Variants in CADPS observed in about 807,000 individuals in gnomAD.
CADPS encodes the protein calcium-dependent secretion activator 1.
Under a neutral mutation model 167.3 loss-of-function variants are expected in CADPS, and 57 were observed. That is an observed-to-expected ratio of 0.34 (90% CI 0.28 to 0.42). CADPS has a LOEUF of 0.42. CADPS is among the 20% of genes least tolerant of loss of function. The pLI is 1.00. For synonymous variants in CADPS, 676 were observed against 635.3 expected, an observed-to-expected ratio of 1.06 and a Z score of -0.96; for missense variants, 1,414 against 1,738.1, an observed-to-expected ratio of 0.81 and a Z score of 3.32.
intron 26 of CADPS, among the ~76,000 whole-genome samples, chr3:62,450,049 G>C (rs1379634799): frequency 2.0e-5 from 3 of 152,148 alleles, no homozygotes; most frequent in Non-Finnish European, 2.9e-5. Context: ...GCTTACCGGT[G>C]TAGACAAAGC....
chr3:62,627,921 C>A (rs113400679), intron 6 of CADPS, among the ~76,000 whole-genome samples: 1 of 152,142 alleles, frequency 6.6e-6, no homozygotes, highest in Non-Finnish European at 1.5e-5. Flanking sequence ...AAATTCTAAT[C>A]GAGGATCCTC....
At chr3:62,815,783 C>T (rs2094584233) in intron 1 of CADPS, among the ~76,000 whole-genome samples, 1 of 152,036 alleles carries the variant, frequency 6.6e-6, no homozygotes, top group African/African-American at 2.4e-5. Flanking sequence ...TTCTCTCTCA[C>T]TCTCCCTTCT....
chr3:62,650,815 C>G, intron 5 of CADPS, 32 bp downstream of exon 5: 1 of 1,564,584 alleles, frequency 6.4e-7, no homozygotes, highest in Non-Finnish European at 8.8e-7. Flanking sequence ...CTTGCTGTGC[C>G]AAGAAACTTT....
chr3:62,673,323 T>C (rs2075853708), intron 3 of CADPS, among the ~76,000 whole-genome samples: 1 of 152,206 alleles, frequency 6.6e-6, no homozygotes, highest in Non-Finnish European at 1.5e-5. Flanking sequence ...ATGACCTAAA[T>C]AGAAATCTGA....
At chr3:62,698,273 A>G (rs1403703234) in intron 3 of CADPS, among the ~76,000 whole-genome samples, 1 of 152,218 alleles carries the variant, frequency 6.6e-6, no homozygotes, top group East Asian at 1.9e-4. Flanking sequence ...AGGGAACTGA[A>G]GAGCTGAATA....
chr3:62,626,653 G>T (rs1282865862), intron 6 of CADPS: 5 of 687,706 alleles, frequency 7.3e-6, no homozygotes, highest in East Asian at 5.4e-5. Context: ...AGGCAATTTT[G>T]TTGACGTTTG....
intron 6 of CADPS, among the ~76,000 whole-genome samples, chr3:62,607,847 T>G (rs2060902599): frequency 1.3e-5 from 2 of 152,142 alleles, no homozygotes; most frequent in Admixed American, 6.5e-5. Context: ...TTTTCAACAC[T>G]TATGAGAAAC....
chr3:62,709,415 G>A (rs1410413474), intron 3 of CADPS, among the ~76,000 whole-genome samples: 1 of 151,846 alleles, frequency 6.6e-6, no homozygotes, highest in African/African-American at 2.4e-5. Context: ...CAATATTTTT[G>A]TTTTGTTTTG....
intron 28 of CADPS, among the ~76,000 whole-genome samples, chr3:62,423,348 T>C (rs1370842668): frequency 6.6e-6 from 1 of 152,238 alleles, no homozygotes; most frequent in African/African-American, 2.4e-5. Context: ...GTGGACAAGC[T>C]GTGACTAATA....
At position 62,753,767 on chromosome 3, in the gene CADPS, G is replaced by T; in HGVS notation, c.562C>A (p.Leu188Met). The T allele has an allele frequency of 1.2e-6, 2 of 1,611,084 alleles. No homozygotes were observed. Among genetic ancestry groups the T allele is most frequent in the Non-Finnish European group, 1.7e-6 (2 of 1,177,914 alleles). Residue 188 changes from leucine (L) to methionine (M), a missense_variant, in exon 3 of 30, where the codon CTG (leucine) becomes ATG (methionine). Physicochemically the swap from Leu to Met is conservative, Grantham distance 15 (BLOSUM62 2). This residue lies in a region of CADPS where 522 missense variants were observed against 559.5 expected (regional missense o/e 0.93). Coordinates refer to ENST00000383710, the MANE Select transcript of CADPS (RefSeq NM_003716.4). This position sits in a 1 kb window ranked among gnomAD's most constrained non-coding sequence, Gnocchi z 4.6. ...ATGCGGGCCACACGGTCGCTCTTCA[G>T]GAACACCTGAGCAAGAACAAGGCCA... Reference protein sequence around the residue: ...NAVQSYYEVFLKSDRVARMVQ... With the variant: ...NAVQSYYEVFMKSDRVARMVQ...
In CADPS at chr3:62,474,703, A is replaced by G. The variant is rs189251470; in HGVS notation, c.3330-383T>C. Among the ~76,000 whole-genome samples the G allele has an allele frequency of 3.1e-3, 476 of 152,364 alleles. 8 individuals carry two copies. The highest frequency in any genetic ancestry group is 0.01 in the Middle Eastern group (3 of 294). ...CCTTGAATTACTTCATTAATAAAAC[A>G]AAACAAACAAAAACCAAAGCAGTTT... On this transcript the variant is annotated intron_variant, in intron 23 of 29. Coordinates refer to ENST00000383710, the MANE Select transcript of CADPS (RefSeq NM_003716.4).
In CADPS at chr3:62,470,129, T is replaced by C. The variant is rs146442509; in HGVS notation, c.3478-3716A>G. Reference sequence around the variant, plus strand: ...TCTATTGGTACTTCACAAATTTTAATGAAAAAAATAAATACTTAAGATGGA... The same window carrying C: ...TCTATTGGTACTTCACAAATTTTAACGAAAAAAATAAATACTTAAGATGGA... On this transcript the variant is annotated intron_variant, in intron 24 of 29. Coordinates refer to ENST00000383710, the MANE Select transcript of CADPS (RefSeq NM_003716.4). Among the ~76,000 whole-genome samples the C allele has an allele frequency of 2.0e-3, 311 of 152,258 alleles. 1 individual carries two copies. Among genetic ancestry groups the C allele is most frequent in the Middle Eastern group, 0.01 (3 of 294 alleles).
intron 1 of CADPS, among the ~76,000 whole-genome samples, chr3:62,842,900 C>A (rs563104678): frequency 1.3e-5 from 2 of 152,198 alleles, no homozygotes; most frequent in Non-Finnish European, 2.9e-5. Context: ...ACTGCGTAAC[C>A]AAGGTTTTCC....
intron 28 of CADPS, among the ~76,000 whole-genome samples, chr3:62,425,287 G>GTAGT (rs1276333553): frequency 3.3e-5 from 5 of 152,078 alleles, no homozygotes; most frequent in Admixed American, 3.3e-4. Flanking sequence ...CTTGTTCATG[G>GTAGT]TAGTATGTTC....
rs1553815531 is a variant in CADPS at position 62,491,558 on chromosome 3, A to ACACAAAC, written c.2885-79_2885-78insGTTTGTG. ...TACAACACACACACACACACACACA[A>ACACAAAC]ACACACACACACACACACACACACA... On this transcript the variant is annotated intron_variant, in intron 20 of 29. Coordinates refer to ENST00000383710, the MANE Select transcript of CADPS (RefSeq NM_003716.4). 1.9e-5 allele frequency: 10 copies of ACACAAAC among 526,740 alleles called. No individual in the cohort carries two copies. The African/African-American group carries it at 2.2e-4, about 11-fold the overall frequency. The allele number at this position is 526,740 out of a possible 1,614,324, so 32.6% of individuals were successfully genotyped here.
At chr3:62,426,299 C>T (rs576020838) in intron 28 of CADPS, among the ~76,000 whole-genome samples, 8 of 152,096 alleles carry the variant, frequency 5.3e-5, no homozygotes, top group Admixed American at 2.6e-4. Context: ...TACAGGCATG[C>T]GCTGCCATGC....
intron 1 of CADPS, among the ~76,000 whole-genome samples, chr3:62,864,114 A>G (rs1417122790): frequency 1.3e-5 from 2 of 152,206 alleles, no homozygotes; most frequent in African/African-American, 2.4e-5. Context: ...CTTTTATAGG[A>G]AGACTTTCCT....
At chr3:62,811,311 GC>G (rs2094383932) in intron 1 of CADPS, among the ~76,000 whole-genome samples, 1 of 151,716 alleles carries the variant, frequency 6.6e-6, no homozygotes, top group Non-Finnish European at 1.5e-5. Context: ...AAATCTGTAA[GC>G]CAACATTCTC....
intron 1 of CADPS, among the ~76,000 whole-genome samples, chr3:62,825,282 A>G (rs980498532): frequency 6.6e-6 from 1 of 152,126 alleles, no homozygotes; most frequent in African/African-American, 2.4e-5. Flanking sequence ...ATATGTTATT[A>G]GGCACTTAAT....
Sources: allele counts gnomAD v4.1 joint callset (sites outside exome capture counted in the v4.1 genomes callset), GRCh38; gene constraint gnomAD v4.1.1; regional missense constraint gnomAD v4.1.1; non-coding constraint Gnocchi (gnomAD v3.1); transcripts MANE v1.5; gene names NCBI Gene and HGNC (gene_info 2026-07-23, HGNC 2026-07-21).